The following TPH2 variants were observed in gnomAD, a reference collection of about 807,000 sequenced individuals.
The protein encoded by TPH2 is tryptophan hydroxylase 2, also known as tryptophan 5-hydroxylase 2.
Under a neutral mutation model 59.1 loss-of-function variants are expected in TPH2, and 27 were observed. The ratio of observed to expected loss-of-function variants is 0.46; its 90% CI spans 0.34 to 0.63. The LOEUF is 0.63. Ranked by LOEUF, TPH2 falls within the 30% of genes least tolerant of loss-of-function variation. TPH2 has a pLI of 0.01. For missense variants in TPH2, 523 were observed against 588.3 expected (o/e 0.89, Z 1.15); for synonymous variants, 220 against 210.5 (o/e 1.05, Z -0.39).
At chr12:71,982,994 A>G (rs958674178) in intron 7 of TPH2, among the ~76,000 whole-genome samples, 4 of 152,186 alleles carry the variant, frequency 2.6e-5, no homozygotes, top group Non-Finnish European at 5.9e-5. Context: ...CTGATACACT[A>G]GAAACCAAAC....
In TPH2 at chr12:71,994,444, C is replaced by T; in HGVS notation, c.947C>T (p.Thr316Ile). Reference sequence around the variant, plus strand: ...TGTGATGTCTTTTTTGTCAGAGACACATGCCATGAACTCTTGGGACATGTT... The same window carrying T: ...TGTGATGTCTTTTTTGTCAGAGACATATGCCATGAACTCTTGGGACATGTT... ...SDPLYTPEPD[T>I]CHELLGHVPL... is the part of the protein sequence containing the mutation. Residue 316 changes from threonine (T) to isoleucine (I), a missense_variant, in exon 8 of 11, where the codon ACA becomes ATA. Physicochemically the swap from Thr to Ile is moderately conservative, Grantham distance 89 (BLOSUM62 -1). Coordinates refer to ENST00000333850, the MANE Select transcript of TPH2 (RefSeq NM_173353.4). 1 of 1,613,880 alleles carries T rather than the reference C, an allele frequency of 6.2e-7. No individual in the cohort carries two copies.
At position 72,031,477 on chromosome 12, in the gene TPH2, A is replaced by G. The variant is rs189874358; in HGVS notation, c.1299-44A>G. 207 of 1,612,910 alleles carry G rather than the reference A, an allele frequency of 1.3e-4. 1 individual carries two copies. The East Asian group carries it at 3.1e-3, about 24-fold the overall frequency. ...TTCCTTTTATCTATCCCTCGTACCA[A>G]TGAGGGTTGATCACATCTCTTTCTA... On this transcript the variant is annotated intron_variant, in intron 10 of 10. Transcript: ENST00000333850.
intron 7 of TPH2, among the ~76,000 whole-genome samples, chr12:71,982,039 A>G (rs1872298674): frequency 6.0e-5 from 2 of 33,372 alleles, no homozygotes; most frequent in South Asian, 1.6e-3. Context: ...TTTTAGACAG[A>G]GTCTCACTCT....
chr12:71,955,410 G>T (rs1231531521), intron 5 of TPH2, among the ~76,000 whole-genome samples: 3 of 152,028 alleles, frequency 2.0e-5, no homozygotes, highest in African/African-American at 7.3e-5. Context: ...AAAGGCATGG[G>T]GTTTACTCAG....
At chr12:72,026,863 T>C (rs1873581872) in intron 9 of TPH2, among the ~76,000 whole-genome samples, 4 of 152,202 alleles carry the variant, frequency 2.6e-5, no homozygotes. Context: ...TGTGTTTGTT[T>C]AGCAGGATGA....
intron 8 of TPH2, among the ~76,000 whole-genome samples, chr12:72,002,505 C>G (rs1025711306): frequency 6.6e-6 from 1 of 152,138 alleles, no homozygotes; most frequent in Admixed American, 6.5e-5. Context: ...AAGGTTAGAA[C>G]GCTAAACATT....
chr12:72,018,048 C>G (rs567649787), intron 8 of TPH2, among the ~76,000 whole-genome samples: 1 of 152,330 alleles, frequency 6.6e-6, no homozygotes, highest in South Asian at 2.1e-4. Context: ...CTCTTTATCT[C>G]TTAACAACAC....
At chr12:71,960,829 CA>C (rs1592387909) in intron 5 of TPH2, among the ~76,000 whole-genome samples, 1 of 152,206 alleles carries the variant, frequency 6.6e-6, no homozygotes, top group East Asian at 1.9e-4. Flanking sequence ...ATTACTTCCA[CA>C]AGTCCTGCTT....
At chr12:72,021,656 T>G (rs897938164) in intron 8 of TPH2, among the ~76,000 whole-genome samples, 3 of 152,180 alleles carry the variant, frequency 2.0e-5, no homozygotes, top group Admixed American at 6.6e-5. Context: ...GCAGGTTAGA[T>G]GTATTAAACA....
At chr12:72,030,885 T>C (rs1566176816) in intron 9 of TPH2, among the ~76,000 whole-genome samples, 1 of 152,158 alleles carries the variant, frequency 6.6e-6, no homozygotes, top group Non-Finnish European at 1.5e-5. Context: ...CTTATAGCAA[T>C]AAATTTTGGA....
chr12:71,956,903 G>C (rs1291242294), intron 5 of TPH2, among the ~76,000 whole-genome samples: 1 of 151,996 alleles, frequency 6.6e-6, no homozygotes, highest in Admixed American at 6.6e-5. Context: ...AGCCACTGTG[G>C]CTGGCCCCAT....
At chr12:71,990,466 CAA>C (rs1364103363) in intron 7 of TPH2, among the ~76,000 whole-genome samples, 1 of 152,194 alleles carries the variant, frequency 6.6e-6, no homozygotes, top group Non-Finnish European at 1.5e-5. Context: ...CTCTCTGCCC[CAA>C]AGAGTGGAGG....
At position 71,968,559 on chromosome 12, in the gene TPH2, G is replaced by A. The variant is rs1291122104; in HGVS notation, c.609-3960G>A. Among the ~76,000 whole-genome samples the A allele has an allele frequency of 2.6e-5, 4 of 152,228 alleles. No homozygotes were observed. In the East Asian group the frequency reaches 7.7e-4, roughly 29 times the overall value. ...GGTCCCCTGCTCTGAAGTGGTGGCA[G>A]CACCTGGAGGCCTGGATCCTGCTGC... On this transcript the variant is annotated intron_variant, in intron 5 of 10. Transcript: ENST00000333850.
intron 7 of TPH2, among the ~76,000 whole-genome samples, chr12:71,983,775 C>CAGAG (rs1324866051): frequency 2.7e-5 from 4 of 147,884 alleles, no homozygotes; most frequent in African/African-American, 9.9e-5. Context: ...CAGACACACA[C>CAGAG]AGAGAGAGAG....
At chr12:71,994,297 A>T (rs1872642839) in intron 7 of TPH2, 142 bp from the exon 8 acceptor site, 2 of 847,328 alleles carry the variant, frequency 2.4e-6, no homozygotes, top group Non-Finnish European at 1.9e-6. Context: ...TATTAAAATG[A>T]TTAAGAAGTC....
intron 4 of TPH2, among the ~76,000 whole-genome samples, chr12:71,948,833 A>G (rs115959883): frequency 1.2e-3 from 176 of 152,198 alleles, no homozygotes; most frequent in Middle Eastern, 0.01. Flanking sequence ...GGAAAGGAAA[A>G]TGGAAAGTCT....
chr12:72,032,377 A>G lies in TPH2; in HGVS notation c.*682A>G, dbSNP rs1484229073. ...TCCGGAAAGGACATTAGGAAAGACT[A>G]AACAGTGGACAATCAATCTTGGGAC... On this transcript the variant is annotated 3_prime_UTR_variant, in exon 11 of 11. Transcript: ENST00000333850. 6.5e-6 allele frequency: 1 copy of G among 153,292 alleles called. No individual in the cohort carries two copies. Among genetic ancestry groups the G allele is most frequent in the Non-Finnish European group, 1.5e-5 (1 of 68,824 alleles). 9.5% of individuals were successfully genotyped at this position (153,292 alleles called of 1,614,324 possible). A position where few individuals can be genotyped will look rare whatever the true frequency, so the allele number is the denominator to read the frequency against.
chr12:71,941,878 A>G, intron 2 of TPH2, 145 bp downstream of exon 2: 1 of 914,176 alleles, frequency 1.1e-6, no homozygotes, highest in Non-Finnish European at 1.8e-6. Flanking sequence ...AGGCTTTAAA[A>G]GGGGAGTTGT....
chr12:72,019,186 C>T (rs973917287), intron 8 of TPH2, among the ~76,000 whole-genome samples: 2 of 152,164 alleles, frequency 1.3e-5, no homozygotes, highest in Non-Finnish European at 2.9e-5. Context: ...CTTCTCCCAA[C>T]CCCCTGCCAT....
Sources: gnomAD v4.1 joint callset for allele counts (sites outside exome capture counted in the v4.1 genomes callset) on GRCh38, gnomAD v4.1.1 for gene constraint, MANE v1.5 for transcripts, NCBI Gene and HGNC (gene_info 2026-07-23, HGNC 2026-07-21) for gene names.